SH2D4A: variants seen among roughly 807,000 people sequenced by gnomAD.
SH2D4A encodes the protein SH2 domain-containing protein 4A.
In SH2D4A, 70 loss-of-function variants were observed where a neutral mutation model predicts 64.7. The ratio of observed to expected loss-of-function variants is 1.08; its 90% CI spans 0.89 to 1.32. The LOEUF (loss-of-function observed/expected upper bound fraction) is 1.32, where lower values mean the gene tolerates loss of function less well. Among genes scored for constraint, SH2D4A ranks in the 40% most tolerant of loss-of-function variants. The pLI, the probability that SH2D4A is intolerant of heterozygous loss-of-function variation, is 0.00. For synonymous variants in SH2D4A, 268 were observed against 200.7 expected (o/e 1.34, Z -2.83); for missense variants, 706 against 540.1 (o/e 1.31, Z -3.04).
In SH2D4A at chr8:19,326,595, A is replaced by G. The variant is rs116940222; in HGVS notation, c.182-6360A>G. On this transcript the variant is annotated intron_variant, in intron 2 of 9. Coordinates refer to ENST00000265807, the MANE Select transcript of SH2D4A (RefSeq NM_022071.4). The stretch of plus-strand genomic sequence containing the variant: ...AGTCTTTGGTCTTTTCTTTGTGGGG[A>G]TAAAGTACATGATTCTCCTTCCCTT... Among the ~76,000 whole-genome samples, 66 of 152,142 alleles carry G rather than the reference A, an allele frequency of 4.3e-4. No homozygotes were observed. In the East Asian group the frequency reaches 0.011, roughly 26 times the overall value.
rs371036317 is a variant in SH2D4A, at chr8:19,364,184, G to A, written c.819G>A (p.Leu273=). 2 of 1,614,030 alleles carry A rather than the reference G, an allele frequency of 1.2e-6. No homozygotes were observed. Among genetic ancestry groups the A allele is most frequent in the African/African-American group, 2.7e-5 (2 of 74,928 alleles). ...GAQKGRGGER[L]QSPLRVPQKP... ...AGAAAGGAAGAGGCGGTGAGAGGCTGCAAAGCCCCTTGCGTGTTCCGCAGA... is the reference window on the plus strand; with the variant it reads ...AGAAAGGAAGAGGCGGTGAGAGGCTACAAAGCCCCTTGCGTGTTCCGCAGA... Residue 273 remains leucine (L), a synonymous_variant, in exon 7 of 10, where the codon CTG becomes CTA. Transcript: ENST00000265807.
chr8:19,377,459 C>A (rs540541999), intron 8 of SH2D4A, among the ~76,000 whole-genome samples: 8 of 152,310 alleles, frequency 5.3e-5, no homozygotes, highest in African/African-American at 1.9e-4. Flanking sequence ...TCCTTGTATC[C>A]TTCACTGCTC....
At chr8:19,335,095 A>G (rs561517215) in intron 4 of SH2D4A, among the ~76,000 whole-genome samples, 2 of 152,152 alleles carry the variant, frequency 1.3e-5, no homozygotes, top group African/African-American at 4.8e-5. Flanking sequence ...CATCCTGGCT[A>G]ACACGGTGAA....
chr8:19,354,403 C>T (rs1350525679), intron 4 of SH2D4A, among the ~76,000 whole-genome samples: 1 of 152,184 alleles, frequency 6.6e-6, no homozygotes, highest in African/African-American at 2.4e-5. Flanking sequence ...AATCATCAAT[C>T]ATCTCCAACT....
At position 19,394,571 on chromosome 8, in the gene SH2D4A, G is replaced by A. The variant is rs1346248484; in HGVS notation, c.1294G>A (p.Gly432Arg). 5 of 1,607,206 alleles carry A rather than the reference G, an allele frequency of 3.1e-6. No individual in the cohort carries two copies. Among genetic ancestry groups the A allele is most frequent in the Non-Finnish European group, 4.3e-6 (5 of 1,176,316 alleles). The change falls in exon 10 of 10, where the codon GGG becomes AGG. Residue 432 changes from glycine to arginine, a missense_variant. Transcript: ENST00000265807. Reference sequence around the variant, plus strand: ...ACAGGAGGAACCCATCACTTCCCTGGGGAAGGAGCTCCTTCTCTATCCCTG... The same window carrying A: ...ACAGGAGGAACCCATCACTTCCCTGAGGAAGGAGCTCCTTCTCTATCCCTG... The part of the protein sequence containing the change: ...YHKEEPITSL[G>R]KELLLYPCGQ...
intron 4 of SH2D4A, among the ~76,000 whole-genome samples, chr8:19,350,791 T>G (rs2052690704): frequency 6.6e-6 from 1 of 152,188 alleles, no homozygotes; most frequent in Admixed American, 6.5e-5. Flanking sequence ...CGACAATGTT[T>G]AGTGAAACAT....
chr8:19,322,585 G>C (rs964356493), intron 2 of SH2D4A, among the ~76,000 whole-genome samples: 1 of 146,916 alleles, frequency 6.8e-6, no homozygotes, highest in Admixed American at 6.8e-5. Context: ...GTTGTGTATT[G>C]TGCATCACAG....
chr8:19,364,540 G>T (rs1387584958), intron 7 of SH2D4A, among the ~76,000 whole-genome samples: 1 of 152,052 alleles, frequency 6.6e-6, no homozygotes, highest in Non-Finnish European at 1.5e-5. Flanking sequence ...CATGGAATGA[G>T]AGAACTTCCC....
intron 2 of SH2D4A, among the ~76,000 whole-genome samples, chr8:19,325,555 G>A (rs1021534844): frequency 4.6e-5 from 7 of 152,108 alleles, no homozygotes; most frequent in African/African-American, 9.7e-5. Flanking sequence ...GCTGCGTGGC[G>A]AACATCTTTT....
At chr8:19,335,178 C>T (rs2052426737) in intron 4 of SH2D4A, among the ~76,000 whole-genome samples, 1 of 151,978 alleles carries the variant, frequency 6.6e-6, no homozygotes, top group Non-Finnish European at 1.5e-5. Context: ...GTCCCAGCTA[C>T]TCGGGAGGCT....
rs2052807345 is a variant in SH2D4A, at chr8:19,357,249, C to G, written c.560C>G (p.Ser187Ter). 18 of 1,613,852 alleles carry G rather than the reference C, an allele frequency of 1.1e-5. No individual in the cohort carries two copies. Among genetic ancestry groups the G allele is most frequent in the Non-Finnish European group, 1.4e-5 (16 of 1,179,850 alleles). ...SRNIQQMLAD[S>*]INRMKAYAFH... ...AATATTCAACAAATGTTGGCAGATTCAATCAATCGTATGAAGGCATATGCA... is the reference window on the plus strand; with the variant it reads ...AATATTCAACAAATGTTGGCAGATTGAATCAATCGTATGAAGGCATATGCA... The change falls in exon 5 of 10, where the codon TCA becomes TGA. Residue 187 changes from serine (S) to a stop codon, truncating the protein, a stop_gained. Transcript: ENST00000265807. LOFTEE classifies it high-confidence loss of function.
At chr8:19,358,352 T>G (rs534843783) in intron 5 of SH2D4A, among the ~76,000 whole-genome samples, 67 of 152,288 alleles carry the variant, frequency 4.4e-4, no homozygotes, top group Non-Finnish European at 7.8e-4. Flanking sequence ...GAGAGAGAGA[T>G]GATAAACATA....
intron 1 of SH2D4A, among the ~76,000 whole-genome samples, chr8:19,316,761 G>C (rs1234620952): frequency 6.6e-6 from 1 of 152,228 alleles, no homozygotes; most frequent in Non-Finnish European, 1.5e-5. Flanking sequence ...TCTGTGTTGT[G>C]TATTACAGTG....
chr8:19,361,214 T>C lies in SH2D4A; in HGVS notation c.606T>C (p.Ser202=), dbSNP rs762438841. 2.0e-6 allele frequency: 3 copies of C among 1,515,218 alleles called. No homozygotes were observed. The highest frequency in any genetic ancestry group is 1.4e-5 in the African/African-American group (1 of 71,810). 93.9% of individuals were successfully genotyped at this position (1,515,218 alleles called of 1,614,324 possible). ...TTGTTTTTAAACAGAAGAAAGAATC[T>C]ATGAAGAAAAAACAAGATGAAGAAA... ...KAYAFHQKKE[S]MKKKQDEEIN... is the part of the protein sequence containing the mutation. Residue 202 remains serine (S), a synonymous_variant, in exon 6 of 10, where the codon TCT becomes TCC. Coordinates refer to ENST00000265807, the MANE Select transcript of SH2D4A (RefSeq NM_022071.4).
In SH2D4A at chr8:19,365,692, C is replaced by T. The variant is rs943690461; in HGVS notation, c.917+1410C>T. On this transcript the variant is annotated intron_variant, in intron 7 of 9. Coordinates refer to ENST00000265807, the MANE Select transcript of SH2D4A (RefSeq NM_022071.4). The stretch of plus-strand genomic sequence containing the variant: ...GCTGTGCTCAGTTAGCTCATTTTTT[C>T]CAACTGAAGACACTGCATGAAGTGC... 3.3e-5 allele frequency among the ~76,000 whole-genome samples: 5 copies of T among 152,112 alleles called. No individual in the cohort carries two copies. The South Asian group carries it at 1.0e-3, about 32-fold the overall frequency.
intron 4 of SH2D4A, among the ~76,000 whole-genome samples, chr8:19,339,377 A>G (rs1403541628): frequency 6.6e-6 from 1 of 152,140 alleles, no homozygotes; most frequent in African/African-American, 2.4e-5. Flanking sequence ...CCTTCAGTCC[A>G]TCAAGTTGAC....
At chr8:19,382,745 T>G (rs1429571170) in intron 8 of SH2D4A, among the ~76,000 whole-genome samples, 1 of 147,168 alleles carries the variant, frequency 6.8e-6, no homozygotes, top group East Asian at 1.9e-4. Context: ...ATGAGAAATC[T>G]GGGGATAATC....
chr8:19,350,598 C>T (rs1338270966), intron 4 of SH2D4A, among the ~76,000 whole-genome samples: 1 of 152,110 alleles, frequency 6.6e-6, no homozygotes, highest in Non-Finnish European at 1.5e-5. Context: ...ATCCTCCCAC[C>T]CTCGCCTCCC....
At chr8:19,368,464 TATTA>T (rs2053039395) in intron 7 of SH2D4A, among the ~76,000 whole-genome samples, 1 of 152,148 alleles carries the variant, frequency 6.6e-6, no homozygotes, top group Non-Finnish European at 1.5e-5. Flanking sequence ...CCATTTTGAC[TATTA>T]ATTTTTCTAA....
Sources: gnomAD v4.1 joint callset for allele counts (sites outside exome capture counted in the v4.1 genomes callset) on GRCh38, gnomAD v4.1.1 for gene constraint, MANE v1.5 for transcripts, NCBI Gene and HGNC (gene_info 2026-07-23, HGNC 2026-07-21) for gene names.